Variants in PLXNA2 observed in about 807,000 individuals in gnomAD.
PLXNA2 encodes plexin A2.
In PLXNA2, 91 loss-of-function variants were observed where a neutral mutation model predicts 193.5. That is an observed-to-expected ratio of 0.47 (90% confidence interval 0.40 to 0.56). The LOEUF (loss-of-function observed/expected upper bound fraction) is 0.56, where lower values mean the gene tolerates loss of function less well. Ranked by LOEUF, PLXNA2 falls within the 20% of genes least tolerant of loss-of-function variation. PLXNA2 has a pLI of 0.00. For missense variants in PLXNA2, 1,995 were observed against 2,503.2 expected, an observed-to-expected ratio of 0.80 and a Z score of 4.33; for synonymous variants, 997 against 1,027.3, an observed-to-expected ratio of 0.97 and a Z score of 0.56.
At chr1:208,160,009 C>G (rs900714204) in intron 3 of PLXNA2, among the ~76,000 whole-genome samples, 1 of 152,162 alleles carries the variant, frequency 6.6e-6, no homozygotes, top group African/African-American at 2.4e-5. Flanking sequence ...TCCAGATGGG[C>G]TATCAGGTTT....
chr1:208,184,055 T>G (rs74153102), intron 3 of PLXNA2, among the ~76,000 whole-genome samples: 3,780 of 152,280 alleles, frequency 0.025, 160 homozygotes, highest in African/African-American at 0.085. Flanking sequence ...TATAAAAGTT[T>G]TTTCTCATCA....
chr1:208,139,982 C>T (rs1668415372), intron 4 of PLXNA2, among the ~76,000 whole-genome samples: 1 of 152,228 alleles, frequency 6.6e-6, no homozygotes, highest in Non-Finnish European at 1.5e-5. Flanking sequence ...ACAGCTCCAT[C>T]TGGTACAGGG....
intron 3 of PLXNA2, among the ~76,000 whole-genome samples, chr1:208,157,606 C>A (rs1164906379): frequency 6.6e-6 from 1 of 152,078 alleles, no homozygotes; most frequent in Non-Finnish European, 1.5e-5. Flanking sequence ...TGGGGAGATA[C>A]CACTCAAAAT....
rs1672072977 is a variant in PLXNA2 at position 208,242,078 on chromosome 1, A to G, written c.-81+1565T>C. ...GGAGGTCAGAGGGGAGAGGGCTGCAAGCAACTCTGGGAGCTTTCTGGGGTT... is the reference window on the plus strand; with the variant it reads ...GGAGGTCAGAGGGGAGAGGGCTGCAGGCAACTCTGGGAGCTTTCTGGGGTT... On this transcript the variant is annotated intron_variant, in intron 1 of 31. Transcript: ENST00000367033. Among the ~76,000 whole-genome samples the G allele has an allele frequency of 2.6e-5, 4 of 152,266 alleles. No homozygotes were observed. In the South Asian group the frequency reaches 8.3e-4, roughly 32 times the overall value.
At chr1:208,071,211 C>A (rs1665965598) in intron 12 of PLXNA2, among the ~76,000 whole-genome samples, 1 of 152,364 alleles carries the variant, frequency 6.6e-6, no homozygotes, top group Non-Finnish European at 1.5e-5. Flanking sequence ...CCAGAATGGT[C>A]TCAGTCCCAT....
At chr1:208,141,009 C>T (rs920669302) in intron 4 of PLXNA2, among the ~76,000 whole-genome samples, 10 of 152,208 alleles carry the variant, frequency 6.6e-5, no homozygotes, top group African/African-American at 2.4e-4. Flanking sequence ...GTCTTACCCA[C>T]TCTAGGTTAG....
chr1:208,046,171 G>A, intron 17 of PLXNA2, 54 bp from the exon 18 acceptor site: 1 of 1,566,890 alleles, frequency 6.4e-7, no homozygotes, highest in African/African-American at 1.3e-5. Context: ...ACAGAGCCCA[G>A]GGGCCCACAG....
chr1:208,161,984 G>A (rs1176575539), intron 3 of PLXNA2, among the ~76,000 whole-genome samples: 1 of 152,230 alleles, frequency 6.6e-6, no homozygotes, highest in East Asian at 1.9e-4. Flanking sequence ...GGGAGGAGAG[G>A]GGGAGCAGGA....
intron 3 of PLXNA2, among the ~76,000 whole-genome samples, chr1:208,191,465 A>T (rs192987895): frequency 6.6e-6 from 1 of 152,234 alleles, no homozygotes; most frequent in South Asian, 2.1e-4. Context: ...AGAGAAAAGA[A>T]AAAGGACAAT....
intron 12 of PLXNA2, among the ~76,000 whole-genome samples, chr1:208,074,087 C>T (rs1373099239): frequency 1.3e-5 from 2 of 152,206 alleles, no homozygotes; most frequent in East Asian, 1.9e-4. Context: ...GTTATGTGAG[C>T]TCCAAAATCC....
intron 4 of PLXNA2, among the ~76,000 whole-genome samples, chr1:208,104,679 G>A (rs1489656115): frequency 6.6e-6 from 1 of 152,010 alleles, no homozygotes; most frequent in Non-Finnish European, 1.5e-5. Context: ...GGGTGGGAGG[G>A]GAGAGAGATG....
intron 12 of PLXNA2, among the ~76,000 whole-genome samples, chr1:208,074,289 C>T (rs189298223): frequency 5.3e-5 from 8 of 152,134 alleles, no homozygotes; most frequent in South Asian, 2.1e-4. Context: ...GGAAACGTGG[C>T]GGGCCAGCCA....
intron 3 of PLXNA2, among the ~76,000 whole-genome samples, chr1:208,207,242 G>A (rs1670760430): frequency 6.6e-6 from 1 of 152,194 alleles, no homozygotes; most frequent in East Asian, 1.9e-4. Flanking sequence ...CTGACCTCAG[G>A]TGATCCACCT....
intron 9 of PLXNA2, among the ~76,000 whole-genome samples, chr1:208,089,622 C>T (rs553246702): frequency 2.2e-4 from 34 of 152,240 alleles, no homozygotes; most frequent in African/African-American, 8.2e-4. Context: ...TCCCTGGGCA[C>T]ACTTTGAGAA....
rs551511841 is a variant in PLXNA2 at position 208,164,758 on chromosome 1, G to A, written c.1372-22295C>T. Among the ~76,000 whole-genome samples the A allele has an allele frequency of 3.8e-3, 578 of 152,302 alleles. 4 individuals carry two copies. Among genetic ancestry groups the A allele is most frequent in the Admixed American group, 7.8e-3 (120 of 15,296 alleles). On this transcript the variant is annotated intron_variant, in intron 3 of 31. Coordinates refer to ENST00000367033, the MANE Select transcript of PLXNA2 (RefSeq NM_025179.4). ...CCTTCAGATCCCTGGGCGTCAGTCC[G>A]GCAGCGGCTCCCTGGGGGCAGAGGA...
At chr1:208,096,449 C>A (rs915211946) in intron 7 of PLXNA2, among the ~76,000 whole-genome samples, 21 of 152,122 alleles carry the variant, frequency 1.4e-4, no homozygotes, top group Non-Finnish European at 2.8e-4. Flanking sequence ...TGTGGAGAGA[C>A]CTGCTAAAAA....
chr1:208,162,263 G>C (rs955658446), intron 3 of PLXNA2, among the ~76,000 whole-genome samples: 10 of 152,236 alleles, frequency 6.6e-5, no homozygotes, highest in Admixed American at 1.3e-4. Context: ...GATATGCCAA[G>C]GGAAGACTGG....
At chr1:208,079,913 T>A (rs1388535056) in intron 11 of PLXNA2, among the ~76,000 whole-genome samples, 3 of 152,234 alleles carry the variant, frequency 2.0e-5, no homozygotes, top group African/African-American at 7.2e-5. Context: ...ATTCTTATGC[T>A]GCCATCTCTC....
chr1:208,237,096 A>G (rs1228748043), intron 1 of PLXNA2, among the ~76,000 whole-genome samples: 6 of 152,194 alleles, frequency 3.9e-5, no homozygotes, highest in Admixed American at 2.6e-4. Context: ...CAGAAAGCTT[A>G]AAGCAGAATG....
Sources: gnomAD v4.1 joint callset for allele counts (sites outside exome capture counted in the v4.1 genomes callset) on GRCh38, gnomAD v4.1.1 for gene constraint, MANE v1.5 for transcripts, NCBI Gene and HGNC (gene_info 2026-07-23, HGNC 2026-07-21) for gene names.